SLC30A7: variants seen among roughly 807,000 people sequenced by gnomAD.
SLC30A7 encodes solute carrier family 30 member 7, also known as zinc transporter 7.
SLC30A7 carries 35 observed loss-of-function variants against 46.0 expected under a neutral mutation model. The observed-to-expected ratio is 0.76, with a 90% CI of 0.58 to 1.01. The LOEUF (loss-of-function observed/expected upper bound fraction) is 1.01. Among genes scored for constraint, SLC30A7 ranks in the 50% least tolerant of loss-of-function variants. The pLI is 0.00. For missense variants in SLC30A7, 464 were observed against 451.1 expected (o/e 1.03, Z -0.26); for synonymous variants, 147 against 157.8 (o/e 0.93, Z 0.51).
chr1:100,921,644 A>T, intron 7 of SLC30A7, 62 bp from the exon 8 acceptor site: 2 of 1,348,232 alleles, frequency 1.5e-6, no homozygotes, highest in Non-Finnish European at 2.1e-6. Flanking sequence ...TAGCTCTAGG[A>T]TATATTCGTA....
chr1:100,971,820 A>G (rs1250044305), intron 10 of SLC30A7, among the ~76,000 whole-genome samples: 1 of 152,172 alleles, frequency 6.6e-6, no homozygotes, highest in Non-Finnish European at 1.5e-5. Context: ...GGATGAATAT[A>G]TGTACAGTCG....
intron 8 of SLC30A7, among the ~76,000 whole-genome samples, chr1:100,935,510 GACTA>G (rs1653914902): frequency 6.6e-6 from 1 of 152,196 alleles, no homozygotes; most frequent in Non-Finnish European, 1.5e-5. Flanking sequence ...TAGACTTGGT[GACTA>G]ACTTATTTTT....
chr1:100,899,744 T>C (rs891930121), intron 2 of SLC30A7, among the ~76,000 whole-genome samples: 1 of 151,792 alleles, frequency 6.6e-6, no homozygotes, highest in African/African-American at 2.4e-5. Flanking sequence ...ATTTCCAAGA[T>C]GGGTGCTAGT....
rs1656466285 is a variant in SLC30A7 at position 100,975,906 on chromosome 1, T to G, written c.*1049T>G. On this transcript the variant is annotated 3_prime_UTR_variant, in exon 11 of 11. Transcript: ENST00000357650. Reference sequence around the variant, plus strand: ...CTGTACAAAACAAGACTATTGCCAGTAATGTATACAAATTGTCTTTTTGTG... The same window carrying G: ...CTGTACAAAACAAGACTATTGCCAGGAATGTATACAAATTGTCTTTTTGTG... 6.6e-6 allele frequency: 1 copy of G among 151,606 alleles called. No homozygotes were observed. The highest frequency in any genetic ancestry group is 1.5e-5 in the Non-Finnish European group (1 of 67,920). The allele number at this position is 151,606 out of a possible 1,614,324, so 9.4% of individuals were successfully genotyped here.
intron 8 of SLC30A7, among the ~76,000 whole-genome samples, chr1:100,949,331 C>T (rs1654827523): frequency 6.6e-6 from 1 of 152,160 alleles, no homozygotes; most frequent in Admixed American, 6.5e-5. Flanking sequence ...TGGGTATCAC[C>T]AGCGGAGGCT....
chr1:100,980,280 A>T lies in SLC30A7; in HGVS notation c.*5423A>T, dbSNP rs1405559413. 6.6e-6 allele frequency: 1 copy of T among 152,140 alleles called. No homozygotes were observed. The highest frequency in any genetic ancestry group is 1.5e-5 in the Non-Finnish European group (1 of 67,964). The allele number at this position is 152,140 out of a possible 1,614,324, so 9.4% of individuals were successfully genotyped here. A position where few individuals can be genotyped will look rare whatever the true frequency, so the allele number is the denominator to read the frequency against. Reference sequence around the variant, plus strand: ...TAATTTTGCACTGCAGGAGAAGGATAAGTAGATTTGATTTACATCACATTT... The same window carrying T: ...TAATTTTGCACTGCAGGAGAAGGATTAGTAGATTTGATTTACATCACATTT... On this transcript the variant is annotated 3_prime_UTR_variant, in exon 11 of 11. Coordinates refer to ENST00000357650, the MANE Select transcript of SLC30A7 (RefSeq NM_133496.5).
intron 8 of SLC30A7, among the ~76,000 whole-genome samples, chr1:100,959,377 G>A (rs753981795): frequency 2.6e-5 from 4 of 152,220 alleles, no homozygotes; most frequent in East Asian, 1.9e-4. Context: ...TATCTTATAC[G>A]TTCTGTGGTT....
At chr1:100,910,077 AC>A (rs779299215) in intron 3 of SLC30A7, among the ~76,000 whole-genome samples, 2 of 152,124 alleles carry the variant, frequency 1.3e-5, no homozygotes, top group Non-Finnish European at 2.9e-5. Flanking sequence ...AATGCACTTG[AC>A]AGGACAAACT....
At chr1:100,911,962 G>A in intron 4 of SLC30A7, 150 bp from the exon 5 acceptor site, 3 of 651,200 alleles carry the variant, frequency 4.6e-6, no homozygotes, top group Admixed American at 2.6e-5. Context: ...GTGAGCTCTG[G>A]TTTTATTTCT....
intron 8 of SLC30A7, among the ~76,000 whole-genome samples, chr1:100,928,020 A>G (rs895637648): frequency 1.3e-5 from 2 of 152,194 alleles, no homozygotes; most frequent in African/African-American, 4.8e-5. Context: ...AGCTTAGCAT[A>G]TAGAGACCTG....
chr1:100,919,000 G>C (rs1188394466), intron 7 of SLC30A7, among the ~76,000 whole-genome samples: 1 of 152,186 alleles, frequency 6.6e-6, no homozygotes, highest in East Asian at 1.9e-4. Context: ...AGGACTGTCT[G>C]TAGGAGTATG....
rs904290956 is a variant in SLC30A7 at position 100,979,960 on chromosome 1, G to A, written c.*5103G>A. The A allele has an allele frequency of 3.3e-5, 5 of 151,952 alleles. No homozygotes were observed. Among genetic ancestry groups the A allele is most frequent in the African/African-American group, 1.2e-4 (5 of 41,370 alleles). 9.4% of individuals were successfully genotyped at this position (151,952 alleles called of 1,614,324 possible). A position where few individuals can be genotyped will look rare whatever the true frequency, so the allele number is the denominator to read the frequency against. ...ATCACCATGACAAAATTGGTATGGC[G>A]GAACAGTCATTATACATTATTTAGA... On this transcript the variant is annotated 3_prime_UTR_variant, in exon 11 of 11. Coordinates refer to ENST00000357650, the MANE Select transcript of SLC30A7 (RefSeq NM_133496.5).
Position 100,906,224 on chromosome 1 carries a change from G to A in SLC30A7, c.183-628G>A, listed in dbSNP as rs187511290. 3.3e-3 allele frequency among the ~76,000 whole-genome samples: 497 copies of A among 152,250 alleles called. 3 individuals carry two copies. Among genetic ancestry groups the A allele is most frequent in the Non-Finnish European group, 5.3e-3 (358 of 68,000 alleles). On this transcript the variant is annotated intron_variant, in intron 2 of 10. Coordinates refer to ENST00000357650, the MANE Select transcript of SLC30A7 (RefSeq NM_133496.5). Reference sequence around the variant, plus strand: ...GTTCTTGCTCCACTCTCAGCTTTTAGCAAGTTCTGCACATATCTCTTTGTG... The same window carrying A: ...GTTCTTGCTCCACTCTCAGCTTTTAACAAGTTCTGCACATATCTCTTTGTG...
chr1:100,951,724 TC>T (rs1197385878), intron 8 of SLC30A7, among the ~76,000 whole-genome samples: 1 of 152,096 alleles, frequency 6.6e-6, no homozygotes, highest in Non-Finnish European at 1.5e-5. Context: ...GCCAGTGAGG[TC>T]CTGCCAACAA....
intron 8 of SLC30A7, among the ~76,000 whole-genome samples, chr1:100,937,755 A>G (rs1654061608): frequency 6.6e-6 from 1 of 151,714 alleles, no homozygotes; most frequent in African/African-American, 2.4e-5. Context: ...TTTTTCCATG[A>G]TTTGCCTTAA....
the SLC30A7 span, among the ~76,000 whole-genome samples, chr1:100,987,908 T>C: frequency 1.3e-5 from 2 of 152,314 alleles, no homozygotes; most frequent in South Asian, 4.1e-4. Context: ...GCACAGCCTT[T>C]ACTAATACAT....
chr1:100,953,886 T>G (rs954897131), intron 8 of SLC30A7, among the ~76,000 whole-genome samples: 2 of 152,244 alleles, frequency 1.3e-5, no homozygotes, highest in African/African-American at 4.8e-5. Context: ...ATGCTGATTG[T>G]TCCTAAGTAT....
At chr1:100,950,569 C>T (rs1035633531) in intron 8 of SLC30A7, among the ~76,000 whole-genome samples, 4 of 152,144 alleles carry the variant, frequency 2.6e-5, no homozygotes, top group African/African-American at 9.7e-5. Context: ...TCTATCACTG[C>T]CTCTTGCCAA....
chr1:100,904,182 G>T (rs1651487364), intron 2 of SLC30A7, among the ~76,000 whole-genome samples: 1 of 152,096 alleles, frequency 6.6e-6, no homozygotes, highest in Non-Finnish European at 1.5e-5. Context: ...TTTGAACCCA[G>T]GTACTCTGAC....
Sources: gnomAD v4.1 joint callset for allele counts (sites outside exome capture counted in the v4.1 genomes callset) on GRCh38, gnomAD v4.1.1 for gene constraint, MANE v1.5 for transcripts, NCBI Gene and HGNC (gene_info 2026-07-23, HGNC 2026-07-21) for gene names.